Variants in PPP1R16B observed in about 807,000 individuals in gnomAD.
PPP1R16B encodes protein phosphatase 1 regulatory subunit 16B.
In PPP1R16B, 14 loss-of-function variants were observed where a neutral mutation model predicts 61.7. The observed-to-expected ratio is 0.23, with a 90% CI of 0.15 to 0.35. The LOEUF (loss-of-function observed/expected upper bound fraction) is 0.35, where lower values mean the gene tolerates loss of function less well. Among genes scored for constraint, PPP1R16B ranks in the 10% least tolerant of loss-of-function variants. The pLI, the probability that PPP1R16B is intolerant of heterozygous loss-of-function variation, is 1.00. For missense variants in PPP1R16B, 547 were observed against 752.5 expected, an observed-to-expected ratio of 0.73 and a Z score of 3.19; for synonymous variants, 266 against 305.3, an observed-to-expected ratio of 0.87 and a Z score of 1.34.
intron 1 of PPP1R16B, among the ~76,000 whole-genome samples, chr20:38,820,686 A>G (rs944629492): frequency 6.6e-6 from 1 of 152,106 alleles, no homozygotes; most frequent in Admixed American, 6.6e-5. Context: ...ACCAATTTAT[A>G]TTCCCACTCA....
chr20:38,916,134 G>C (rs2085536634), intron 10 of PPP1R16B, among the ~76,000 whole-genome samples: 1 of 151,212 alleles, frequency 6.6e-6, no homozygotes. Flanking sequence ...GGGAGGCTGA[G>C]GTGGGAGAAT....
chr20:38,806,095 G>T lies in PPP1R16B; in HGVS notation c.-102+303G>T, dbSNP rs1291369025. Among the ~76,000 whole-genome samples the T allele has an allele frequency of 6.6e-6, 1 of 152,032 alleles. No individual in the cohort carries two copies. The highest frequency in any genetic ancestry group is 1.5e-5 in the Non-Finnish European group (1 of 67,942). On this transcript the variant is annotated intron_variant, in intron 1 of 10. Transcript: ENST00000299824. This position sits in a 1 kb window ranked among gnomAD's most constrained non-coding sequence, Gnocchi z 4.5. ...TTGTTGGCTGCGGCCGTCGTAGACC[G>T]ATCTTGGGGCGGGGAGGTGGGGTCC... is the stretch of plus-strand genomic sequence containing the variant.
Position 38,922,737 on chromosome 20 carries a change from ACT to A in PPP1R16B, c.*4074_*4075del, listed in dbSNP as rs1355514766. Reference sequence around the variant, plus strand: ...GTATTTTATGTGAAAAAAAATTAAAACTCTGTATACTGTATCAGCAGCTTTGT... The same window carrying A: ...GTATTTTATGTGAAAAAAAATTAAAACTGTATACTGTATCAGCAGCTTTGT... On this transcript the variant is annotated 3_prime_UTR_variant, in exon 11 of 11. Transcript: ENST00000299824. The A allele has an allele frequency of 1.3e-5, 2 of 152,608 alleles. No homozygotes were observed. Among genetic ancestry groups the A allele is most frequent in the African/African-American group, 4.8e-5 (2 of 41,420 alleles). The allele number at this position is 152,608 out of a possible 1,614,324, so 9.5% of individuals were successfully genotyped here. A position where few individuals can be genotyped will look rare whatever the true frequency, so the allele number is the denominator to read the frequency against.
intron 2 of PPP1R16B, among the ~76,000 whole-genome samples, chr20:38,880,287 C>T (rs1442517016): frequency 1.3e-5 from 2 of 152,098 alleles, no homozygotes; most frequent in Non-Finnish European, 2.9e-5. Flanking sequence ...GCCTGGGAGA[C>T]CTGCAAGAGG....
chr20:38,821,986 TATATATATTAATATATATA>T (rs959842930), intron 1 of PPP1R16B, among the ~76,000 whole-genome samples: 3 of 146,474 alleles, frequency 2.0e-5, no homozygotes, highest in Non-Finnish European at 4.5e-5. Flanking sequence ...CTCAGAAATA[TATATATATTAATATATATA>T]ATATATATTA....
chr20:38,860,947 G>A (rs1330481142), intron 2 of PPP1R16B, among the ~76,000 whole-genome samples: 1 of 152,158 alleles, frequency 6.6e-6, no homozygotes, highest in East Asian at 1.9e-4. Context: ...TTTGCACACT[G>A]TTACTCATGC....
In PPP1R16B at chr20:38,832,757, A is replaced by G. The variant is rs570586259; in HGVS notation, c.-101-3068A>G. Among the ~76,000 whole-genome samples the G allele has an allele frequency of 7.2e-5, 11 of 152,236 alleles. No homozygotes were observed. The South Asian group carries it at 2.1e-3, about 29-fold the overall frequency. On this transcript the variant is annotated intron_variant, in intron 1 of 10. Coordinates refer to ENST00000299824, the MANE Select transcript of PPP1R16B (RefSeq NM_015568.4). ...AACATGGTGAAACCCCGTCTCTACAAAAATACAAAAATTAGCCGGGCATGA... is the reference window on the plus strand; with the variant it reads ...AACATGGTGAAACCCCGTCTCTACAGAAATACAAAAATTAGCCGGGCATGA...
At chr20:38,846,860 C>T (rs189468473) in intron 2 of PPP1R16B, among the ~76,000 whole-genome samples, 1 of 152,078 alleles carries the variant, frequency 6.6e-6, no homozygotes, top group East Asian at 1.9e-4. Context: ...AAAAAATTAT[C>T]CAGGTGTGGT....
chr20:38,855,943 T>TATATAGAGAGAGAGAG (rs1555804333), intron 2 of PPP1R16B, among the ~76,000 whole-genome samples: 1 of 15,056 alleles, frequency 6.6e-5, no homozygotes, highest in African/African-American at 4.4e-4. Flanking sequence ...TATATATATA[T>TATATAGAGAGAGAGAG]AGAGAGAGAG....
intron 2 of PPP1R16B, among the ~76,000 whole-genome samples, chr20:38,885,807 G>C (rs1259816158): frequency 6.6e-6 from 1 of 152,186 alleles, no homozygotes; most frequent in Non-Finnish European, 1.5e-5. Context: ...ACAGAGTCTT[G>C]CTCCGTCGCC....
chr20:38,881,272 G>A (rs1044757814), intron 2 of PPP1R16B, among the ~76,000 whole-genome samples: 7 of 152,252 alleles, frequency 4.6e-5, no homozygotes, highest in African/African-American at 2.4e-5. Flanking sequence ...CTGCTCCAGG[G>A]AGGAGCAGTG....
At chr20:38,812,021 G>A (rs1185862708) in intron 1 of PPP1R16B, among the ~76,000 whole-genome samples, 3 of 152,172 alleles carry the variant, frequency 2.0e-5, no homozygotes, top group African/African-American at 7.2e-5. Flanking sequence ...ATGAGGACTT[G>A]GAAGGCCTTA....
At chr20:38,902,098 C>T (rs897435293) in intron 5 of PPP1R16B, among the ~76,000 whole-genome samples, 5 of 152,230 alleles carry the variant, frequency 3.3e-5, no homozygotes, top group Admixed American at 2.0e-4. Context: ...GTCAGTAACA[C>T]ACTTTTAAGA....
At chr20:38,815,178 T>A (rs911349649) in intron 1 of PPP1R16B, among the ~76,000 whole-genome samples, 5 of 152,236 alleles carry the variant, frequency 3.3e-5, no homozygotes, top group Non-Finnish European at 5.9e-5. Flanking sequence ...TTCCCCGGAA[T>A]AAATCTATAA....
At chr20:38,814,032 A>T (rs2084719304) in intron 1 of PPP1R16B, among the ~76,000 whole-genome samples, 2 of 151,950 alleles carry the variant, frequency 1.3e-5, no homozygotes, top group Admixed American at 1.3e-4. Flanking sequence ...CCTGACCTCA[A>T]GTGATCCACC....
At chr20:38,829,227 C>T (rs1469228766) in intron 1 of PPP1R16B, among the ~76,000 whole-genome samples, 1 of 152,204 alleles carries the variant, frequency 6.6e-6, no homozygotes, top group Non-Finnish European at 1.5e-5. Flanking sequence ...GTGCCTTGGC[C>T]TCAGACTTCC....
Position 38,903,579 on chromosome 20 carries a change from GTCCATCCATCCA to G in PPP1R16B, c.696+814_696+825del, listed in dbSNP as rs1158511381. ...CATCCATCCATCCGTCCGTCCGTCC[GTCCATCCATCCA>G]TCCATCCATCCATCCATCCATCCAT... On this transcript the variant is annotated intron_variant, in intron 6 of 10. Transcript: ENST00000299824. 1.3e-4 allele frequency among the ~76,000 whole-genome samples: 13 copies of G among 97,502 alleles called. No homozygotes were observed. The South Asian group carries it at 1.7e-3, about 13-fold the overall frequency. The allele number at this position is 97,502 out of a possible 152,430, so 64.0% of individuals were successfully genotyped here.
intron 2 of PPP1R16B, among the ~76,000 whole-genome samples, chr20:38,887,291 A>G (rs6129124): frequency 0.083 from 12,623 of 152,248 alleles, 607 homozygotes; most frequent in Admixed American, 0.13. Flanking sequence ...AGGTAGGATG[A>G]TTGTGCACAG....
chr20:38,918,079 T>C lies in PPP1R16B; in HGVS notation c.1195-78T>C. ...GATAGAGGAAAAGTCCAAACAATAA[T>C]GCCCTCAGCAGAGAGACAGGTGGAT... On this transcript the variant is annotated intron_variant, in intron 10 of 10. Transcript: ENST00000299824. The surrounding 1 kb of genome is among the most constrained non-coding windows in gnomAD (Gnocchi z 5.3). 1.3e-6 allele frequency: 2 copies of C among 1,540,388 alleles called. No individual in the cohort carries two copies. The highest frequency in any genetic ancestry group is 1.8e-6 in the Non-Finnish European group (2 of 1,131,212).
Sources: gnomAD v4.1 joint callset for allele counts (sites outside exome capture counted in the v4.1 genomes callset) on GRCh38, gnomAD v4.1.1 for gene constraint, Gnocchi (gnomAD v3.1) non-coding constraint, MANE v1.5 for transcripts, NCBI Gene and HGNC (gene_info 2026-07-23, HGNC 2026-07-21) for gene names.